The following SMOX variants were observed in gnomAD, a reference collection of about 807,000 sequenced individuals.
SMOX encodes the protein flavin containing amine oxidase.
Under a neutral mutation model 51.0 loss-of-function variants are expected in SMOX, and 22 were observed. The observed-to-expected ratio is 0.43, with a 90% CI of 0.31 to 0.62. The LOEUF (loss-of-function observed/expected upper bound fraction) is 0.62. Ranked by LOEUF, SMOX falls within the 20% of genes least tolerant of loss-of-function variation. SMOX has a pLI of 0.10. For synonymous variants in SMOX, 282 were observed against 307.8 expected, an observed-to-expected ratio of 0.92 and a Z score of 0.88; for missense variants, 566 against 777.7, an observed-to-expected ratio of 0.73 and a Z score of 3.24.
Position 4,177,138 on chromosome 20 carries a change from T to C in SMOX, c.209-213T>C, listed in dbSNP as rs774125483. ...GGCCACTCTGGGACAAATCACAGAGTCATCCAAGGTGGCAGTTATCTTAGC... is the reference window on the plus strand; with the variant it reads ...GGCCACTCTGGGACAAATCACAGAGCCATCCAAGGTGGCAGTTATCTTAGC... On this transcript the variant is annotated intron_variant, in intron 2 of 6. Coordinates refer to ENST00000305958, the MANE Select transcript of SMOX (RefSeq NM_175839.3). The surrounding 1 kb of genome is among the most constrained non-coding windows in gnomAD (Gnocchi z 4.3). 4.6e-5 allele frequency among the ~76,000 whole-genome samples: 7 copies of C among 152,074 alleles called. No homozygotes were observed. The highest frequency in any genetic ancestry group is 1.5e-4 in the African/African-American group (6 of 41,376).
intron 1 of SMOX, among the ~76,000 whole-genome samples, chr20:4,162,905 C>A (rs765919478): frequency 6.6e-6 from 1 of 152,098 alleles, no homozygotes; most frequent in Non-Finnish European, 1.5e-5. Context: ...GAGAGAAAGA[C>A]GGGGAGGATG....
At chr20:4,159,093 A>G (rs1391986101) in intron 1 of SMOX, among the ~76,000 whole-genome samples, 1 of 152,082 alleles carries the variant, frequency 6.6e-6, no homozygotes, top group Non-Finnish European at 1.5e-5. Flanking sequence ...AAGTAACTCA[A>G]GGAAAGATAA....
chr20:4,157,085 G>T (rs1242856196), intron 1 of SMOX, among the ~76,000 whole-genome samples: 1 of 152,136 alleles, frequency 6.6e-6, no homozygotes, highest in Non-Finnish European at 1.5e-5. Flanking sequence ...TACCTCCCGG[G>T]CATTTCCTCG....
chr20:4,149,739 G>T lies in SMOX; in HGVS notation c.-27+762G>T, dbSNP rs1008467227. Among the ~76,000 whole-genome samples, 2 of 152,168 alleles carry T rather than the reference G, an allele frequency of 1.3e-5. No individual in the cohort carries two copies. Among genetic ancestry groups the T allele is most frequent in the African/African-American group, 4.8e-5 (2 of 41,444 alleles). ...AGCTTGCGCCAGGGGGACTTGGCCC[G>T]ATGAGATACGCTCGGTGCCCGGCAC... On this transcript the variant is annotated intron_variant, in intron 1 of 6. Transcript: ENST00000305958. The surrounding 1 kb of genome is among the most constrained non-coding windows in gnomAD (Gnocchi z 6.0).
Position 4,181,890 on chromosome 20 carries a change from G to A in SMOX, c.523G>A (p.Glu175Lys), listed in dbSNP as rs756844158. 1.2e-6 allele frequency: 2 copies of A among 1,614,186 alleles called. No individual in the cohort carries two copies. Among genetic ancestry groups the A allele is most frequent in the Non-Finnish European group, 1.7e-6 (2 of 1,180,032 alleles). ...TAGCGTGGGGGTGTTCACCCGAGAG[G>A]AGGTGCGTAACCGCATCAGGAATGA... ...QNSVGVFTRE[E>K]VRNRIRNDPD... Residue 175 changes from glutamate (E) to lysine (K), a missense_variant, in exon 4 of 7, where the codon GAG becomes AAG. Physicochemically the swap from Glu to Lys is moderately conservative, Grantham distance 56 (BLOSUM62 1). This residue lies in a region of SMOX where 217 missense variants were observed against 278.4 expected (regional missense o/e 0.78). Transcript: ENST00000305958. This position sits in a 1 kb window ranked among gnomAD's most constrained non-coding sequence, Gnocchi z 5.6.
intron 1 of SMOX, among the ~76,000 whole-genome samples, chr20:4,168,670 C>T (rs926906048): frequency 1.7e-4 from 26 of 151,906 alleles, no homozygotes; most frequent in Non-Finnish European, 3.2e-4. Context: ...GATTCTCCTG[C>T]CTCAGCCTCC....
At position 4,177,196 on chromosome 20, in the gene SMOX, G is replaced by C. The variant is rs1978927071; in HGVS notation, c.209-155G>C. 6.6e-6 allele frequency among the ~76,000 whole-genome samples: 1 copy of C among 152,210 alleles called. No homozygotes were observed. Among genetic ancestry groups the C allele is most frequent in the African/African-American group, 2.4e-5 (1 of 41,440 alleles). ...TGGTTTTCAGTGGGAACTTTTCACT[G>C]AGGACCTTCGTTGGTTGCCAGCAGT... On this transcript the variant is annotated intron_variant, in intron 2 of 6. Coordinates refer to ENST00000305958, the MANE Select transcript of SMOX (RefSeq NM_175839.3). The surrounding 1 kb of genome is among the most constrained non-coding windows in gnomAD (Gnocchi z 4.3).
At position 4,182,450 on chromosome 20, in the gene SMOX, C is replaced by T. The variant is rs138153642; in HGVS notation, c.971C>T (p.Pro324Leu). The T allele has an allele frequency of 3.6e-5, 57 of 1,599,886 alleles. No homozygotes were observed. In the African/African-American group the frequency reaches 4.1e-4, roughly 12 times the overall value. ...GAGTGCGAGGACTGTGAGCTGATCC[C>T]GGCGGACCATGTGATTGTGACCGTG... is the stretch of plus-strand genomic sequence containing the variant. Reference protein sequence around the residue: ...VVECEDCELIPADHVIVTVSL... With the variant: ...VVECEDCELILADHVIVTVSL... The change falls in exon 5 of 7, where the codon CCG becomes CTG. Residue 324 changes from proline (P) to leucine (L), a missense_variant. Physicochemically the swap from Pro to Leu is moderately conservative, Grantham distance 98. Around this residue, in one of 3 missense-constraint regions of SMOX, gnomAD observed 347 missense variants for 481.8 expected, o/e 0.72. Coordinates refer to ENST00000305958, the MANE Select transcript of SMOX (RefSeq NM_175839.3). The surrounding 1 kb of genome is among the most constrained non-coding windows in gnomAD (Gnocchi z 8.4).
intron 1 of SMOX, among the ~76,000 whole-genome samples, chr20:4,164,921 A>G (rs1986489991): frequency 6.6e-6 from 1 of 152,056 alleles, no homozygotes; most frequent in African/African-American, 2.4e-5. Context: ...AAGGTCGCCC[A>G]TAGTGGAGTA....
At chr20:4,161,755 G>T (rs183238546) in intron 1 of SMOX, among the ~76,000 whole-genome samples, 1 of 152,194 alleles carries the variant, frequency 6.6e-6, no homozygotes, top group Admixed American at 6.5e-5. Context: ...AAGGGGAGGC[G>T]TCTGGGTGTT....
Position 4,187,359 on chromosome 20 carries a change from T to C in SMOX, c.1620T>C (p.Ala540=). Residue 540 remains alanine (A), a synonymous_variant, in exon 7 of 7, where the codon GCT becomes GCC. Transcript: ENST00000305958. This position sits in a 1 kb window ranked among gnomAD's most constrained non-coding sequence, Gnocchi z 4.8. ...HGALLSGQRE[A]ARLIEMYRDL... ...CTCTGCTGTCCGGCCAGCGTGAGGC[T>C]GCCCGCCTCATTGAGATGTACCGAG... 6.2e-7 allele frequency: 1 copy of C among 1,614,212 alleles called. No homozygotes were observed. The highest frequency in any genetic ancestry group is 8.5e-7 in the Non-Finnish European group (1 of 1,180,034).
Position 4,181,734 on chromosome 20 carries a change from G to A in SMOX, c.436-69G>A. On this transcript the variant is annotated intron_variant, in intron 3 of 6. Coordinates refer to ENST00000305958, the MANE Select transcript of SMOX (RefSeq NM_175839.3). The surrounding 1 kb of genome is among the most constrained non-coding windows in gnomAD (Gnocchi z 5.6). Reference sequence around the variant, plus strand: ...GACACCTGGGAACTGGTGGGTTTGGGTTGGGGGCCTTCTGTTTGAGATGGA... The same window carrying A: ...GACACCTGGGAACTGGTGGGTTTGGATTGGGGGCCTTCTGTTTGAGATGGA... The A allele has an allele frequency of 1.3e-6, 2 of 1,565,268 alleles. No individual in the cohort carries two copies. The highest frequency in any genetic ancestry group is 8.7e-7 in the Non-Finnish European group (1 of 1,152,416).
chr20:4,185,647 A>AACAC (rs57345985), intron 6 of SMOX, among the ~76,000 whole-genome samples: 1 of 100,146 alleles, frequency 1.0e-5, no homozygotes, highest in African/African-American at 6.3e-5. Flanking sequence ...TGGCGCCCTA[A>AACAC]ACACACACAC....
rs1320039294 is a variant in SMOX at position 4,183,708 on chromosome 20, T to G, written c.1530+54T>G. 2 of 1,520,794 alleles carry G rather than the reference T, an allele frequency of 1.3e-6. No homozygotes were observed. The highest frequency in any genetic ancestry group is 1.4e-5 in the African/African-American group (1 of 71,916). 94.2% of individuals were successfully genotyped at this position (1,520,794 alleles called of 1,614,324 possible). ...GAGTTGTGGGTGTATTTTGTATGTG[T>G]GTCCGGTCCAGGGTGAGGAGGGCTA... On this transcript the variant is annotated intron_variant, in intron 6 of 6. Coordinates refer to ENST00000305958, the MANE Select transcript of SMOX (RefSeq NM_175839.3). The surrounding 1 kb of genome is among the most constrained non-coding windows in gnomAD (Gnocchi z 4.3).
chr20:4,163,847 G>A (rs991664909), intron 1 of SMOX, among the ~76,000 whole-genome samples: 4 of 152,176 alleles, frequency 2.6e-5, no homozygotes, highest in African/African-American at 4.8e-5. Flanking sequence ...CTGCCCAAGG[G>A]AGCAAGGTGG....
Position 4,167,412 on chromosome 20 carries a change from C to T in SMOX, c.-26-7618C>T, listed in dbSNP as rs1986613329. Among the ~76,000 whole-genome samples the T allele has an allele frequency of 6.6e-6, 1 of 152,164 alleles. No individual in the cohort carries two copies. Among genetic ancestry groups the T allele is most frequent in the South Asian group, 2.1e-4 (1 of 4,826 alleles). On this transcript the variant is annotated intron_variant, in intron 1 of 6. Coordinates refer to ENST00000305958, the MANE Select transcript of SMOX (RefSeq NM_175839.3). The surrounding 1 kb of genome is among the most constrained non-coding windows in gnomAD (Gnocchi z 4.8). ...TCTCCGAGATGACCTTTGCAGTGGC[C>T]ACACCTTTTACCTGTGCTAATTTAA... is the stretch of plus-strand genomic sequence containing the variant.
chr20:4,173,672 C>A (rs1418440301), intron 1 of SMOX, among the ~76,000 whole-genome samples: 1 of 152,130 alleles, frequency 6.6e-6, no homozygotes, highest in Non-Finnish European at 1.5e-5. Flanking sequence ...GTTTGCTGTC[C>A]GGCAGCCACC....
Position 4,181,673 on chromosome 20 carries a change from T to G in SMOX, c.436-130T>G. ...AGCATTGAGTGCAACATCGGATCCC[T>G]AAGGGACAGAGACCAGGGGCTCAGT... On this transcript the variant is annotated intron_variant, in intron 3 of 6. Coordinates refer to ENST00000305958, the MANE Select transcript of SMOX (RefSeq NM_175839.3). This position sits in a 1 kb window ranked among gnomAD's most constrained non-coding sequence, Gnocchi z 5.6. 1 of 1,139,072 alleles carries G rather than the reference T, an allele frequency of 8.8e-7. No homozygotes were observed. The highest frequency in any genetic ancestry group is 1.3e-6 in the Non-Finnish European group (1 of 799,650). 70.6% of individuals were successfully genotyped at this position (1,139,072 alleles called of 1,614,324 possible). A position where few individuals can be genotyped will look rare whatever the true frequency, so the allele number is the denominator to read the frequency against.
In SMOX at chr20:4,175,096, C is replaced by A. The variant is rs1978730659; in HGVS notation, c.41C>A (p.Pro14His). The A allele has an allele frequency of 6.2e-7, 1 of 1,614,120 alleles. No individual in the cohort carries two copies. The highest frequency in any genetic ancestry group is 1.1e-5 in the South Asian group (1 of 91,092). Residue 14 changes from proline (P) to histidine (H), a missense_variant, in exon 2 of 7, where the codon CCT becomes CAT. By Grantham distance (77) the Pro-to-His change is moderately conservative. Coordinates refer to ENST00000305958, the MANE Select transcript of SMOX (RefSeq NM_175839.3). ...TCCAGTGGTGACAGTGCGGATGACC[C>A]TCTCAGTCGCGGCCTACGGAGAAGG... The part of the protein sequence containing the change: ...CESSGDSADD[P>H]LSRGLRRRGQ...
Sources: allele counts gnomAD v4.1 joint callset (sites outside exome capture counted in the v4.1 genomes callset), GRCh38; gene constraint gnomAD v4.1.1; regional missense constraint gnomAD v4.1.1; non-coding constraint Gnocchi (gnomAD v3.1); transcripts MANE v1.5; gene names NCBI Gene and HGNC (gene_info 2026-07-23, HGNC 2026-07-21).